NMNAT2: variants seen among roughly 807,000 people sequenced by gnomAD.
NMNAT2 encodes nicotinamide nucleotide adenylyltransferase 2, also known as nicotinamide/nicotinic acid mononucleotide adenylyltransferase 2.
NMNAT2 carries 11 observed loss-of-function variants against 41.6 expected under a neutral mutation model. That is an observed-to-expected ratio of 0.26 (90% confidence interval 0.17 to 0.44). The LOEUF is 0.44. NMNAT2 is among the 20% of genes least tolerant of loss of function. The pLI is 1.00. For synonymous variants in NMNAT2, 148 were observed against 151.2 expected (o/e 0.98, Z 0.16); for missense variants, 288 against 407.7 (o/e 0.71, Z 2.53).
chr1:183,340,729 C>T (rs1286545186), intron 1 of NMNAT2, among the ~76,000 whole-genome samples: 2 of 152,106 alleles, frequency 1.3e-5, no homozygotes, highest in African/African-American at 4.8e-5. Flanking sequence ...TACTTGTCCT[C>T]CCAGGCCTAC....
At chr1:183,381,646 G>A (rs1040822950) in intron 1 of NMNAT2, among the ~76,000 whole-genome samples, 7 of 152,112 alleles carry the variant, frequency 4.6e-5, no homozygotes, top group South Asian at 2.1e-4. Context: ...CCAGTGAGCC[G>A]AGATCATGCT....
intron 1 of NMNAT2, among the ~76,000 whole-genome samples, chr1:183,381,225 C>T (rs915812438): frequency 6.6e-6 from 1 of 152,140 alleles, no homozygotes; most frequent in African/African-American, 2.4e-5. Context: ...AGAAGATTGG[C>T]AACCTTTTGG....
chr1:183,373,779 G>A (rs754334497), intron 1 of NMNAT2, among the ~76,000 whole-genome samples: 49 of 151,922 alleles, frequency 3.2e-4, no homozygotes, highest in Non-Finnish European at 5.7e-4. Context: ...AACCATGCCC[G>A]GCTAATTTTT....
chr1:183,272,866 G>C (rs6674013), intron 8 of NMNAT2, among the ~76,000 whole-genome samples: 10,988 of 152,280 alleles, frequency 0.072, 861 homozygotes, highest in African/African-American at 0.19. Flanking sequence ...TGAGAGGCTG[G>C]AGTGCGGGGC....
intron 8 of NMNAT2, among the ~76,000 whole-genome samples, chr1:183,274,813 G>T (rs1380214284): frequency 6.6e-6 from 1 of 151,596 alleles, no homozygotes; most frequent in African/African-American, 2.4e-5. Context: ...ATGTCCTGAA[G>T]CGGGGAGAGA....
At chr1:183,330,218 TA>T (rs1334511175) in intron 1 of NMNAT2, among the ~76,000 whole-genome samples, 1 of 152,246 alleles carries the variant, frequency 6.6e-6, no homozygotes, top group Non-Finnish European at 1.5e-5. Flanking sequence ...AGGATTGTTA[TA>T]AACATTATTT....
intron 10 of NMNAT2, among the ~76,000 whole-genome samples, chr1:183,256,587 T>G (rs1660521021): frequency 1.3e-5 from 2 of 152,228 alleles, no homozygotes; most frequent in Non-Finnish European, 2.9e-5. Flanking sequence ...TCTATTTATG[T>G]GATGTATCAC....
At chr1:183,286,036 T>C (rs1661390194) in intron 5 of NMNAT2, among the ~76,000 whole-genome samples, 2 of 152,256 alleles carry the variant, frequency 1.3e-5, no homozygotes, top group South Asian at 4.1e-4. Context: ...CTCCATTTTG[T>C]ATATTCAATT....
intron 2 of NMNAT2, among the ~76,000 whole-genome samples, chr1:183,293,297 T>C (rs1401873342): frequency 6.6e-6 from 1 of 152,188 alleles, no homozygotes; most frequent in African/African-American, 2.4e-5. Flanking sequence ...TGAGCAGGGA[T>C]ATGAATTTTA....
chr1:183,341,437 G>C (rs1477659619), intron 1 of NMNAT2, among the ~76,000 whole-genome samples: 2 of 150,784 alleles, frequency 1.3e-5, no homozygotes, highest in African/African-American at 4.9e-5. Flanking sequence ...CAGTGCTATG[G>C]GAGGCCAAGG....
At chr1:183,417,330 C>G (rs568495733) in intron 1 of NMNAT2, among the ~76,000 whole-genome samples, 78 of 152,230 alleles carry the variant, frequency 5.1e-4, no homozygotes, top group South Asian at 2.1e-3. Context: ...CGATAAGTCC[C>G]CTCCCCCCAA....
intron 1 of NMNAT2, among the ~76,000 whole-genome samples, chr1:183,406,306 A>G (rs1474004040): frequency 6.6e-6 from 1 of 152,208 alleles, no homozygotes; most frequent in African/African-American, 2.4e-5. Flanking sequence ...TGAAGCCGAA[A>G]GAGAAGGGTG....
intron 1 of NMNAT2, among the ~76,000 whole-genome samples, chr1:183,326,451 T>C (rs1662466067): frequency 6.8e-6 from 1 of 147,436 alleles, no homozygotes; most frequent in South Asian, 2.2e-4. Flanking sequence ...AAATATGTTG[T>C]GAGGAAGAAA....
At chr1:183,387,388 G>A (rs10911325) in intron 1 of NMNAT2, among the ~76,000 whole-genome samples, 37,695 of 151,914 alleles carry the variant, frequency 0.25, 4,685 homozygotes, top group South Asian at 0.29. Flanking sequence ...AGAAAATTAC[G>A]GTAGTTTTGG....
intron 1 of NMNAT2, among the ~76,000 whole-genome samples, chr1:183,352,562 C>CAA (rs55706245): frequency 3.6e-3 from 282 of 78,694 alleles, no homozygotes; most frequent in Middle Eastern, 0.027. Context: ...CAGTCTGTCT[C>CAA]AAAAAAAAAA....
chr1:183,414,268 T>A (rs1241135269), intron 1 of NMNAT2, among the ~76,000 whole-genome samples: 3 of 152,170 alleles, frequency 2.0e-5, no homozygotes, highest in Non-Finnish European at 4.4e-5. Flanking sequence ...TATCTACAAA[T>A]TAAAATAGAA....
intron 8 of NMNAT2, among the ~76,000 whole-genome samples, chr1:183,272,745 A>G (rs1474362096): frequency 6.6e-6 from 1 of 152,244 alleles, no homozygotes; most frequent in East Asian, 1.9e-4. Context: ...AGCCGGTTCC[A>G]GCCTGGCTGG....
intron 8 of NMNAT2, among the ~76,000 whole-genome samples, chr1:183,265,847 C>A (rs79666027): frequency 6.6e-6 from 1 of 152,174 alleles, no homozygotes; most frequent in Non-Finnish European, 1.5e-5. Flanking sequence ...AACTAAGGAT[C>A]TTGAGATTAT....
In NMNAT2 at chr1:183,273,754, TC is replaced by T. The variant is rs1661045153; in HGVS notation, c.651+4798del. Among the ~76,000 whole-genome samples the T allele has an allele frequency of 8.6e-5, 13 of 151,960 alleles. 1 individual carries two copies. The South Asian group carries it at 2.7e-3, about 32-fold the overall frequency. On this transcript the variant is annotated intron_variant, in intron 8 of 10. Transcript: ENST00000287713. ...TCTTTCTTTCTTTTTCTCTCTTTTT[TC>T]CCTCCCTTCCTTCCTTCCTCTTTCT...
Sources: allele counts gnomAD v4.1 joint callset (sites outside exome capture counted in the v4.1 genomes callset), GRCh38; gene constraint gnomAD v4.1.1; transcripts MANE v1.5; gene names NCBI Gene and HGNC (gene_info 2026-07-23, HGNC 2026-07-21).